TRMT11: variants seen among roughly 807,000 people sequenced by gnomAD.
TRMT11 encodes tRNA methyltransferase 11.
A neutral mutation model predicts 62.8 loss-of-function variants in TRMT11; 53 were observed. The observed-to-expected ratio is 0.84, with a 90% confidence interval of 0.68 to 1.06. The LOEUF is 1.06. TRMT11 is among the 50% of genes least tolerant of loss of function. The pLI, the probability that TRMT11 is intolerant of heterozygous loss-of-function variation, is 0.00. For synonymous variants in TRMT11, 188 were observed against 190.3 expected (o/e 0.99, Z 0.10); for missense variants, 556 against 553.4 (o/e 1.00, Z -0.05).
At chr6:126,080,638 G>A (rs911516436) in intron 17 of TRMT11, among the ~76,000 whole-genome samples, 1 of 152,114 alleles carries the variant, frequency 6.6e-6, no homozygotes, top group African/African-American at 2.4e-5. Context: ...CTGTGGAAAA[G>A]GAAATGCCCA....
chr6:126,253,306 G>C, the TRMT11 span, among the ~76,000 whole-genome samples: 4 of 152,142 alleles, frequency 2.6e-5, no homozygotes, highest in Non-Finnish European at 5.9e-5. Context: ...GTCATCTTCT[G>C]TGATAACAAT....
intron 17 of TRMT11, among the ~76,000 whole-genome samples, chr6:126,076,573 G>C (rs769877252): frequency 2.0e-5 from 3 of 152,132 alleles, no homozygotes; most frequent in Non-Finnish European, 4.4e-5. Flanking sequence ...AAAAAGATGA[G>C]CTAGTGGTTT....
intron 21 of TRMT11, among the ~76,000 whole-genome samples, chr6:126,127,677 C>T (rs1361332716): frequency 1.4e-5 from 2 of 140,132 alleles, no homozygotes; most frequent in African/African-American, 2.6e-5. Flanking sequence ...ACGACAGGCC[C>T]CGGTGTGTGA....
chr6:126,231,873 C>T, the TRMT11 span, among the ~76,000 whole-genome samples: 1 of 152,140 alleles, frequency 6.6e-6, no homozygotes. Context: ...CTTTGTGGGG[C>T]TACTCCCTGG....
chr6:126,093,631 A>ATATATATATTTTTTTT (rs1554236842), intron 17 of TRMT11, among the ~76,000 whole-genome samples: 5 of 98,016 alleles, frequency 5.1e-5, no homozygotes, highest in African/African-American at 1.7e-4. Flanking sequence ...ATATATATAT[A>ATATATATATTTTTTTT]TTTTCCCCCA....
chr6:126,129,322 A>G (rs9401863), intron 21 of TRMT11, among the ~76,000 whole-genome samples: 22,098 of 152,098 alleles, frequency 0.15, 2,040 homozygotes, highest in Middle Eastern at 0.23. Context: ...TTAGGATTAA[A>G]TGAGTTAATG....
At chr6:126,122,100 C>A (rs1777656532) in intron 21 of TRMT11, among the ~76,000 whole-genome samples, 1 of 152,076 alleles carries the variant, frequency 6.6e-6, no homozygotes, top group South Asian at 2.1e-4. Flanking sequence ...AAGGGGCGTT[C>A]CCCTGCACAT....
intron 1 of TRMT11, among the ~76,000 whole-genome samples, chr6:126,195,576 G>T (rs1267411601): frequency 6.6e-6 from 1 of 152,160 alleles, no homozygotes; most frequent in African/African-American, 2.4e-5. Flanking sequence ...AAACATTGTT[G>T]TTTATTCAGT....
At chr6:126,263,622 G>A in the TRMT11 span, among the ~76,000 whole-genome samples, 36 of 152,304 alleles carry the variant, frequency 2.4e-4, no homozygotes, top group African/African-American at 4.3e-4. Flanking sequence ...TCAAATAAGC[G>A]TTCAAGTGCT....
At chr6:126,258,859 G>A in the TRMT11 span, among the ~76,000 whole-genome samples, 63 of 151,934 alleles carry the variant, frequency 4.1e-4, no homozygotes, top group Admixed American at 2.3e-3. Flanking sequence ...AGGAGTACAC[G>A]TGCAGGTTTG....
At chr6:125,993,643 C>T (rs779578639) in intron 1 of TRMT11, 114 bp from the exon 2 acceptor site, 24 of 528,304 alleles carry the variant, frequency 4.5e-5, no homozygotes, top group Admixed American at 1.7e-4. Flanking sequence ...TTAAATGCCT[C>T]AGTTAGATCT....
the TRMT11 span, among the ~76,000 whole-genome samples, chr6:126,232,612 G>A: frequency 1.2e-4 from 19 of 152,238 alleles, no homozygotes; most frequent in Non-Finnish European, 2.4e-4. Flanking sequence ...CAGGAGGGAC[G>A]AACCTATATC....
At chr6:126,129,932 A>G (rs934269065) in intron 21 of TRMT11, among the ~76,000 whole-genome samples, 13 of 152,072 alleles carry the variant, frequency 8.5e-5, no homozygotes, top group African/African-American at 2.9e-4. Flanking sequence ...CCATGTAGAG[A>G]CTTCGGTGTT....
At chr6:126,059,043 A>ATT (rs1776453296) in intron 17 of TRMT11, among the ~76,000 whole-genome samples, 1 of 135,266 alleles carries the variant, frequency 7.4e-6, no homozygotes, top group African/African-American at 3.1e-5. Context: ...CTCTCTACTT[A>ATT]TCTTTTTTTT....
At chr6:126,180,763 G>C (rs951248586) in intron 1 of TRMT11, among the ~76,000 whole-genome samples, 1 of 152,132 alleles carries the variant, frequency 6.6e-6, no homozygotes, top group Non-Finnish European at 1.5e-5. Flanking sequence ...CAGTTTTGTG[G>C]TTTACGAGTC....
chr6:126,196,964 A>C lies in TRMT11; in HGVS notation n.144-1835A>C, dbSNP rs80117747. On this transcript the variant is annotated intron_variant and non_coding_transcript_variant, in intron 1 of 3. Coordinates refer to the TRMT11 transcript ENST00000444229. Reference sequence around the variant, plus strand: ...ATATCAACTTAAAATGAGAAGATACATAGTTTCTCAAAAAAAATGAGAAGA... The same window carrying C: ...ATATCAACTTAAAATGAGAAGATACCTAGTTTCTCAAAAAAAATGAGAAGA... Among the ~76,000 whole-genome samples, 144 of 152,298 alleles carry C rather than the reference A, an allele frequency of 9.5e-4. 2 individuals carry two copies. In the East Asian group the frequency reaches 0.022, roughly 23 times the overall value.
At chr6:126,238,688 C>T in the TRMT11 span, among the ~76,000 whole-genome samples, 3 of 152,050 alleles carry the variant, frequency 2.0e-5, no homozygotes, top group Non-Finnish European at 2.9e-5. Context: ...GTATATTCTG[C>T]TGATTTGGGG....
chr6:126,131,102 A>G (rs1777776810), intron 21 of TRMT11, among the ~76,000 whole-genome samples: 2 of 152,078 alleles, frequency 1.3e-5, no homozygotes, highest in Non-Finnish European at 2.9e-5. Context: ...ATTTCTGAAA[A>G]CTACTTTGTC....
intron 21 of TRMT11, among the ~76,000 whole-genome samples, chr6:126,121,883 C>T (rs1283284530): frequency 6.6e-6 from 1 of 152,062 alleles, no homozygotes; most frequent in African/African-American, 2.4e-5. Flanking sequence ...ACAAACAGCT[C>T]ATCTGAAAAT....
Sources: gnomAD v4.1 joint callset for allele counts (sites outside exome capture counted in the v4.1 genomes callset) on GRCh38, gnomAD v4.1.1 for gene constraint, MANE v1.5 for transcripts, NCBI Gene and HGNC (gene_info 2026-07-23, HGNC 2026-07-21) for gene names.